DNAI3: variants seen among roughly 807,000 people sequenced by gnomAD.
The protein encoded by DNAI3 is dynein axonemal intermediate chain 3, also known as WD repeat domain 63.
DNAI3 carries 83 observed loss-of-function variants against 115.5 expected under a neutral mutation model. That is an observed-to-expected ratio of 0.72 (90% CI 0.60 to 0.86). The LOEUF (loss-of-function observed/expected upper bound fraction) is 0.86, where lower values mean the gene tolerates loss of function less well. Ranked by LOEUF, DNAI3 falls within the 40% of genes least tolerant of loss-of-function variation. The probability of loss-of-function intolerance (pLI) is 0.00; values close to 1 mark genes in which losing one functional copy is unlikely to be tolerated. For missense variants in DNAI3, 1,004 were observed against 1,075.8 expected (o/e 0.93, Z 0.93); for synonymous variants, 320 against 347.0 (o/e 0.92, Z 0.86).
At chr1:85,082,031 A>G (rs1654648694) in intron 4 of DNAI3, among the ~76,000 whole-genome samples, 1 of 152,248 alleles carries the variant, frequency 6.6e-6, no homozygotes, top group African/African-American at 2.4e-5. Flanking sequence ...ATCTCTATGC[A>G]TGCTACAGAG....
intron 1 of DNAI3, among the ~76,000 whole-genome samples, chr1:85,065,363 C>T (rs559472292): frequency 6.6e-6 from 1 of 152,172 alleles, no homozygotes; most frequent in South Asian, 2.1e-4. Flanking sequence ...TGAGAATAGG[C>T]ATTAACAATG....
intron 14 of DNAI3, among the ~76,000 whole-genome samples, chr1:85,106,763 G>T (rs1655500883): frequency 6.6e-6 from 1 of 152,184 alleles, no homozygotes; most frequent in South Asian, 2.1e-4. Flanking sequence ...CAACAAGGAT[G>T]CCAAGACAAT....
intron 1 of DNAI3, among the ~76,000 whole-genome samples, chr1:85,068,745 G>A (rs772331829): frequency 2.6e-5 from 4 of 152,038 alleles, no homozygotes; most frequent in South Asian, 4.2e-4. Context: ...ACTACCTCCC[G>A]TACCTGTAAG....
At chr1:85,064,285 A>G (rs1654023432) in intron 1 of DNAI3, among the ~76,000 whole-genome samples, 1 of 152,176 alleles carries the variant, frequency 6.6e-6, no homozygotes, top group African/African-American at 2.4e-5. Flanking sequence ...TTCAGAAGAT[A>G]TTTGGAAGGG....
intron 17 of DNAI3, among the ~76,000 whole-genome samples, chr1:85,121,379 A>T (rs1655989422): frequency 6.6e-6 from 1 of 152,222 alleles, no homozygotes; most frequent in South Asian, 2.1e-4. Context: ...ATTTATTAAC[A>T]ATTGACTTTC....
intron 8 of DNAI3, 142 bp from the exon 9 acceptor site, chr1:85,093,315 AG>A (rs1655035124): frequency 3.7e-6 from 3 of 809,154 alleles, no homozygotes; most frequent in Non-Finnish European, 5.7e-6. Flanking sequence ...ATTTCACATG[AG>A]GTTAATCATT....
At chr1:85,106,890 A>G (rs537628634) in intron 14 of DNAI3, among the ~76,000 whole-genome samples, 14 of 152,346 alleles carry the variant, frequency 9.2e-5, no homozygotes, top group Admixed American at 3.9e-4. Flanking sequence ...AAAATGGAAT[A>G]ATGACCTAAA....
chr1:85,122,128 C>T (rs186098274), intron 18 of DNAI3, among the ~76,000 whole-genome samples: 8 of 152,276 alleles, frequency 5.3e-5, no homozygotes, highest in South Asian at 2.1e-4. Context: ...GCTTAAATGA[C>T]GGAGAAACTT....
intron 17 of DNAI3, among the ~76,000 whole-genome samples, chr1:85,120,111 C>T (rs751243415): frequency 6.6e-6 from 1 of 152,230 alleles, no homozygotes; most frequent in Non-Finnish European, 1.5e-5. Context: ...TAATATATGC[C>T]AGGCATTGCT....
At chr1:85,095,525 G>A (rs1251528127) in intron 10 of DNAI3, among the ~76,000 whole-genome samples, 1 of 151,920 alleles carries the variant, frequency 6.6e-6, no homozygotes, top group East Asian at 1.9e-4. Context: ...CTCCACTCCA[G>A]GAGTGCCTGG....
chr1:85,130,240 G>A, intron 22 of DNAI3, 128 bp downstream of exon 22: 1 of 1,305,734 alleles, frequency 7.7e-7, no homozygotes, highest in Non-Finnish European at 1.1e-6. Context: ...TCTCATGAGA[G>A]TCAAGAGGGC....
At chr1:85,073,223 AT>A in intron 3 of DNAI3, 131 bp downstream of exon 3, 1 of 572,230 alleles carries the variant, frequency 1.7e-6, no homozygotes, top group Non-Finnish European at 2.8e-6. Context: ...ATACCATTCC[AT>A]TTAGAATATA....
At chr1:85,075,704 G>A (rs1654430900) in intron 3 of DNAI3, among the ~76,000 whole-genome samples, 1 of 152,172 alleles carries the variant, frequency 6.6e-6, no homozygotes, top group South Asian at 2.1e-4. Flanking sequence ...ATGCCCAGAG[G>A]TTTCTGGAGA....
intron 18 of DNAI3, among the ~76,000 whole-genome samples, chr1:85,122,939 A>G (rs1656032027): frequency 6.6e-6 from 1 of 152,152 alleles, no homozygotes; most frequent in Non-Finnish European, 1.5e-5. Context: ...TTACCTGAGT[A>G]AAGAGACCAG....
At chr1:85,083,229 C>A (rs1214489780) in intron 5 of DNAI3, among the ~76,000 whole-genome samples, 2 of 152,180 alleles carry the variant, frequency 1.3e-5, no homozygotes, top group Non-Finnish European at 2.9e-5. Context: ...GTGGCTCATG[C>A]CTGTAATCCC....
chr1:85,106,980 T>G (rs980531634), intron 14 of DNAI3, among the ~76,000 whole-genome samples: 8 of 152,204 alleles, frequency 5.3e-5, no homozygotes, highest in Non-Finnish European at 1.0e-4. Context: ...GGGTGATTTC[T>G]TAGACATTAC....
In DNAI3 at chr1:85,132,844, TC is replaced by T. The variant is rs5775826; in HGVS notation, c.2533-3del. 1,604,650 of 1,609,340 alleles carry T rather than the reference TC, an allele frequency of 1. 800,106 individuals carry two copies. Among genetic ancestry groups the T allele is most frequent in the Non-Finnish European group, 1 (1,178,303 of 1,178,408 alleles). On this transcript the variant is annotated splice_polypyrimidine_tract_variant and intron_variant, in intron 22 of 22. Transcript: ENST00000294664. ...TTTTATAGGGATGTCTTGTTTTTCTTCCCCCCCCAGAAAACATATCAGAAGT... is the reference window on the plus strand; with the variant it reads ...TTTTATAGGGATGTCTTGTTTTTCTTCCCCCCCAGAAAACATATCAGAAGT...
rs908540825 is a variant in DNAI3 at position 85,104,424 on chromosome 1, A to T, written c.1480-100A>T. ...GCGTGAGCCACTGCCCCCGGCCGGT[A>T]TGTTCTTTTATTAACATTTAAAACA... On this transcript the variant is annotated intron_variant, in intron 13 of 22. Transcript: ENST00000294664. 11 of 1,034,136 alleles carry T rather than the reference A, an allele frequency of 1.1e-5. No individual in the cohort carries two copies. The African/African-American group carries it at 1.8e-4, about 16-fold the overall frequency. 64.1% of individuals were successfully genotyped at this position (1,034,136 alleles called of 1,614,324 possible).
At chr1:85,065,180 AAC>A (rs1358918592) in intron 1 of DNAI3, among the ~76,000 whole-genome samples, 9 of 152,112 alleles carry the variant, frequency 5.9e-5, no homozygotes, top group African/African-American at 2.2e-4. Flanking sequence ...CGTAAGGAAG[AAC>A]CCAGTTAAAG....
Sources: gnomAD v4.1 joint callset for allele counts (sites outside exome capture counted in the v4.1 genomes callset) on GRCh38, gnomAD v4.1.1 for gene constraint, MANE v1.5 for transcripts, NCBI Gene and HGNC (gene_info 2026-07-23, HGNC 2026-07-21) for gene names.